Variants in EML4 observed in about 807,000 individuals in gnomAD.
EML4 encodes the protein echinoderm microtubule-associated protein-like 4.
Under a neutral mutation model 129.0 loss-of-function variants are expected in EML4, and 72 were observed. The observed-to-expected ratio is 0.56, with a 90% CI of 0.46 to 0.68. The LOEUF is 0.68. Ranked by LOEUF, EML4 falls within the 30% of genes least tolerant of loss-of-function variation. EML4 has a pLI of 0.00. For synonymous variants in EML4, 532 were observed against 405.0 expected, an observed-to-expected ratio of 1.31 and a Z score of -3.77; for missense variants, 1,363 against 1,190.6, an observed-to-expected ratio of 1.14 and a Z score of -2.13.
chr2:42,330,791 G>T lies in EML4; in HGVS notation c.*584G>T, dbSNP rs934204866. 4.5e-6 allele frequency: 1 copy of T among 220,570 alleles called. No individual in the cohort carries two copies. The highest frequency in any genetic ancestry group is 2.3e-5 in the African/African-American group (1 of 43,996). The allele number at this position is 220,570 out of a possible 1,614,324, so 13.7% of individuals were successfully genotyped here. A position where few individuals can be genotyped will look rare whatever the true frequency, so the allele number is the denominator to read the frequency against. On this transcript the variant is annotated 3_prime_UTR_variant, in exon 23 of 23. Coordinates refer to ENST00000318522, the MANE Select transcript of EML4 (RefSeq NM_019063.5). ...ATGCCGTTTTCTTACACTACCAGTG[G>T]ATGTCCAGACATGCTCTTAGTCTAC...
intron 1 of EML4, among the ~76,000 whole-genome samples, chr2:42,218,544 C>T (rs541738931): frequency 4.6e-5 from 7 of 152,198 alleles, no homozygotes; most frequent in African/African-American, 1.7e-4. Context: ...ATATTCTGTA[C>T]TTGAGAATTA....
chr2:42,296,914 C>T (rs1247536631), intron 13 of EML4, among the ~76,000 whole-genome samples: 2 of 152,072 alleles, frequency 1.3e-5, no homozygotes, highest in African/African-American at 4.8e-5. Flanking sequence ...TAAATTGAAC[C>T]AACATAAGTT....
intron 4 of EML4, chr2:42,261,620 A>C: frequency 5.5e-6 from 1 of 180,630 alleles, no homozygotes; most frequent in Non-Finnish European, 1.2e-5. Flanking sequence ...ATATGTATGT[A>C]ACTATGCATA....
chr2:42,220,590 G>T (rs1673525111), intron 1 of EML4, among the ~76,000 whole-genome samples: 1 of 152,122 alleles, frequency 6.6e-6, no homozygotes, highest in African/African-American at 2.4e-5. Context: ...ATATTGAAAT[G>T]AGGCCAGTTA....
intron 7 of EML4, 129 bp downstream of exon 7, chr2:42,281,102 G>A (rs1666980009): frequency 1.3e-6 from 1 of 778,886 alleles, no homozygotes; most frequent in Non-Finnish European, 2.0e-6. Context: ...AAATTAAAAA[G>A]GAAACATCAG....
intron 1 of EML4, among the ~76,000 whole-genome samples, chr2:42,234,024 A>C (rs1284858783): frequency 1.3e-5 from 2 of 152,262 alleles, no homozygotes; most frequent in Non-Finnish European, 2.9e-5. Flanking sequence ...TGCATAGTGC[A>C]TTAATTCATG....
intron 1 of EML4, among the ~76,000 whole-genome samples, chr2:42,227,902 ATAG>A (rs201732731): frequency 0.012 from 1,889 of 152,264 alleles, 30 homozygotes; most frequent in African/African-American, 0.043. Context: ...CAGGCTATTA[ATAG>A]TTAAGTTTGT....
intron 2 of EML4, among the ~76,000 whole-genome samples, chr2:42,249,522 A>G (rs891122546): frequency 2.6e-5 from 4 of 152,180 alleles, no homozygotes; most frequent in African/African-American, 9.7e-5. Flanking sequence ...TGGTTTTGCT[A>G]GATGGTGGTG....
chr2:42,315,708 TA>T (rs776953641), intron 17 of EML4, among the ~76,000 whole-genome samples: 2 of 152,000 alleles, frequency 1.3e-5, no homozygotes, highest in Non-Finnish European at 2.9e-5. Flanking sequence ...ACCCCATCTC[TA>T]AAATCAAAAA....
At chr2:42,223,957 A>G (rs1217694529) in intron 1 of EML4, among the ~76,000 whole-genome samples, 1 of 152,096 alleles carries the variant, frequency 6.6e-6, no homozygotes, top group Non-Finnish European at 1.5e-5. Flanking sequence ...GGGAAAATTT[A>G]AATTCTATTT....
chr2:42,207,709 C>G (rs1043697265), intron 1 of EML4, among the ~76,000 whole-genome samples: 1 of 152,144 alleles, frequency 6.6e-6, no homozygotes, highest in African/African-American at 2.4e-5. Context: ...TGCTTACTTT[C>G]TGGTCTTCAC....
intron 1 of EML4, among the ~76,000 whole-genome samples, chr2:42,177,693 T>G (rs1199656505): frequency 6.6e-6 from 1 of 152,142 alleles, no homozygotes; most frequent in African/African-American, 2.4e-5. Context: ...AAGTGAAATG[T>G]TCTAGACTTT....
Position 42,317,363 on chromosome 2 carries a change from A to G in EML4, c.2057-64A>G, listed in dbSNP as rs537684203. 3 of 1,083,016 alleles carry G rather than the reference A, an allele frequency of 2.8e-6. 1 individual carries two copies. The highest frequency in any genetic ancestry group is 4.1e-6 in the Non-Finnish European group (3 of 733,088). 67.1% of individuals were successfully genotyped at this position (1,083,016 alleles called of 1,614,324 possible). A position where few individuals can be genotyped will look rare whatever the true frequency, so the allele number is the denominator to read the frequency against. ...ATTTAACAGCATTTGTAAAATCAGT[A>G]AAATAACAGTAAATAAATTTATCAG... On this transcript the variant is annotated intron_variant, in intron 18 of 22. Coordinates refer to ENST00000318522, the MANE Select transcript of EML4 (RefSeq NM_019063.5).
intron 6 of EML4, among the ~76,000 whole-genome samples, chr2:42,271,555 T>C (rs891026271): frequency 2.6e-5 from 4 of 152,202 alleles, no homozygotes; most frequent in African/African-American, 4.8e-5. Context: ...GTTCTTGACA[T>C]CCTCTTTCCT....
rs558877425 is a variant in EML4, at chr2:42,242,215, T to G, written c.26-3290T>G. On this transcript the variant is annotated intron_variant, in intron 1 of 22. Transcript: ENST00000318522. ...CCAGAATAATTAAGCAGGTTATATG[T>G]TTACAAAAATCATATAAGCATTTTA... Among the ~76,000 whole-genome samples, 3 of 152,278 alleles carry G rather than the reference T, an allele frequency of 2.0e-5. No homozygotes were observed. The South Asian group carries it at 6.2e-4, about 32-fold the overall frequency.
intron 11 of EML4, among the ~76,000 whole-genome samples, chr2:42,291,102 T>C (rs976105870): frequency 2.0e-5 from 3 of 152,230 alleles, no homozygotes; most frequent in Non-Finnish European, 4.4e-5. Context: ...AATCAGTTGC[T>C]TGACTTATGC....
intron 11 of EML4, among the ~76,000 whole-genome samples, chr2:42,290,127 G>C (rs1667545590): frequency 6.6e-6 from 1 of 151,698 alleles, no homozygotes; most frequent in Non-Finnish European, 1.5e-5. Context: ...CAAAACAGAG[G>C]ATGTATTGAC....
At chr2:42,211,933 C>A (rs757451944) in intron 1 of EML4, among the ~76,000 whole-genome samples, 1 of 152,126 alleles carries the variant, frequency 6.6e-6, no homozygotes, top group Non-Finnish European at 1.5e-5. Flanking sequence ...CAACCTCTGC[C>A]TCCTGGGTTC....
At chr2:42,327,004 C>T (rs1357946741) in intron 21 of EML4, among the ~76,000 whole-genome samples, 2 of 152,172 alleles carry the variant, frequency 1.3e-5, no homozygotes, top group Non-Finnish European at 2.9e-5. Flanking sequence ...ACAGTTACCC[C>T]ATCTCTCTTA....
Sources: allele counts gnomAD v4.1 joint callset (sites outside exome capture counted in the v4.1 genomes callset), GRCh38; gene constraint gnomAD v4.1.1; transcripts MANE v1.5; gene names NCBI Gene and HGNC (gene_info 2026-07-23, HGNC 2026-07-21).